Variants in CDH12 observed in about 807,000 individuals in gnomAD.
The protein encoded by CDH12 is cadherin 12, also known as cadherin-12.
CDH12 carries 41 observed loss-of-function variants against 74.1 expected under a neutral mutation model. The observed-to-expected ratio is 0.55, with a 90% CI of 0.43 to 0.72. The LOEUF (loss-of-function observed/expected upper bound fraction) is 0.72. CDH12 is among the 30% of genes least tolerant of loss of function. CDH12 has a pLI of 0.00. For synonymous variants in CDH12, 399 were observed against 355.0 expected (o/e 1.12, Z -1.39); for missense variants, 945 against 977.2 (o/e 0.97, Z 0.44).
intron 4 of CDH12, among the ~76,000 whole-genome samples, chr5:22,175,563 T>C (rs1749284426): frequency 6.6e-6 from 1 of 150,888 alleles, no homozygotes. Flanking sequence ...AAATTTTTTA[T>C]AACCAAAATT....
chr5:22,027,739 A>T (rs1468022326), intron 5 of CDH12, among the ~76,000 whole-genome samples: 1 of 151,652 alleles, frequency 6.6e-6, no homozygotes, highest in Non-Finnish European at 1.5e-5. Context: ...TGGTCTATTA[A>T]TTTTGTTGAT....
intron 2 of CDH12, among the ~76,000 whole-genome samples, chr5:22,488,536 G>A (rs968925604): frequency 1.3e-5 from 2 of 152,098 alleles, no homozygotes; most frequent in Non-Finnish European, 2.9e-5. Context: ...CATTCCAAGA[G>A]ATAGCAAACA....
At chr5:22,478,222 T>A (rs1746244991) in intron 2 of CDH12, among the ~76,000 whole-genome samples, 1 of 151,742 alleles carries the variant, frequency 6.6e-6, no homozygotes, top group Admixed American at 6.6e-5. Flanking sequence ...ATCGAGACCA[T>A]CCTGGCTAAC....
chr5:22,781,577 A>T (rs956876264), intron 1 of CDH12, among the ~76,000 whole-genome samples: 1 of 152,150 alleles, frequency 6.6e-6, no homozygotes, highest in Non-Finnish European at 1.5e-5. Context: ...AGAACTGAAA[A>T]GCTTTGTTAG....
chr5:22,675,547 T>C (rs1220654355), intron 1 of CDH12, among the ~76,000 whole-genome samples: 6 of 152,084 alleles, frequency 3.9e-5, no homozygotes, highest in African/African-American at 1.4e-4. Flanking sequence ...CTGTGGACTT[T>C]TGAGTTAATG....
At chr5:22,399,680 G>A (rs1218961148) in intron 3 of CDH12, among the ~76,000 whole-genome samples, 1 of 152,014 alleles carries the variant, frequency 6.6e-6, no homozygotes, top group Non-Finnish European at 1.5e-5. Flanking sequence ...GCCAGCAAAA[G>A]GAACCTTCAA....
chr5:21,880,554 CCTT>C (rs1752213772), intron 6 of CDH12, among the ~76,000 whole-genome samples: 1 of 126,376 alleles, frequency 7.9e-6, no homozygotes, highest in African/African-American at 2.9e-5. Flanking sequence ...TTCCTTCCTT[CCTT>C]CCTTCCCTTC....
chr5:22,590,167 A>G (rs918207854), intron 1 of CDH12, among the ~76,000 whole-genome samples: 2 of 152,154 alleles, frequency 1.3e-5, no homozygotes, highest in African/African-American at 4.8e-5. Flanking sequence ...TTGACTTAAC[A>G]GTGGTAGGGA....
chr5:22,321,062 C>T (rs1738854826), intron 3 of CDH12, among the ~76,000 whole-genome samples: 1 of 152,072 alleles, frequency 6.6e-6, no homozygotes. Flanking sequence ...AAATAATTAT[C>T]ATTCTGTGAA....
rs139487570 is a variant in CDH12, at chr5:22,580,560, T to C, written c.-522-75196A>G. On this transcript the variant is annotated intron_variant, in intron 1 of 14. Transcript: ENST00000382254. The stretch of plus-strand genomic sequence containing the variant: ...GGCTCAGAGATGCTCATCAGGGCTG[T>C]ATGTGTCTTGTGCTCACTCCATAAA... 1,008 of 475,072 alleles carry C rather than the reference T, an allele frequency of 2.1e-3. 3 individuals are homozygous for C. Among genetic ancestry groups the C allele is most frequent in the Non-Finnish European group, 3.6e-3 (846 of 231,924 alleles). The allele number at this position is 475,072 out of a possible 1,614,324, so 29.4% of individuals were successfully genotyped here. A position where few individuals can be genotyped will look rare whatever the true frequency, so the allele number is the denominator to read the frequency against.
intron 6 of CDH12, among the ~76,000 whole-genome samples, chr5:21,882,378 G>A (rs1752396083): frequency 1.3e-5 from 2 of 152,114 alleles, no homozygotes; most frequent in South Asian, 4.1e-4. Context: ...ATTTCAAATT[G>A]ATTTTTAAAT....
chr5:22,318,374 A>G (rs1172918898), intron 3 of CDH12, among the ~76,000 whole-genome samples: 1 of 152,164 alleles, frequency 6.6e-6, no homozygotes. Context: ...TGTTACCTTG[A>G]TGATATACTA....
In CDH12 at chr5:21,854,748, G is replaced by T; in HGVS notation, c.569C>A (p.Pro190Gln). 1 of 1,608,460 alleles carries T rather than the reference G, an allele frequency of 6.2e-7. No individual in the cohort carries two copies. Reference protein sequence around the residue: ...LQVKATDADDPTYGNSARVVY... With the variant: ...LQVKATDADDQTYGNSARVVY... ...GACTCTGGCACTGTTTCCATAGGTC[G>T]GGTCATCTGCATCTGTGGCCTTGAC... The change falls in exon 7 of 15, where the codon CCG becomes CAG. Residue 190 changes from proline (P) to glutamine (Q), a missense_variant. This residue lies in a region of CDH12 where 791 missense variants were observed against 792.8 expected (regional missense o/e 1.00). Transcript: ENST00000382254.
At chr5:22,013,638 A>C (rs999566010) in intron 5 of CDH12, among the ~76,000 whole-genome samples, 2 of 152,180 alleles carry the variant, frequency 1.3e-5, no homozygotes, top group African/African-American at 4.8e-5. Context: ...TGTGGTGTAG[A>C]ATTCATAAAA....
intron 14 of CDH12, among the ~76,000 whole-genome samples, chr5:21,753,456 A>G (rs1003433621): frequency 2.6e-5 from 4 of 152,168 alleles, no homozygotes; most frequent in Non-Finnish European, 5.9e-5. Context: ...GAGCAGCCCC[A>G]TACATAAAAT....
rs1311628864 is a variant in CDH12 at position 22,059,022 on chromosome 5, T to A, written c.231+19424A>T. ...TTATGATACTACACGAGTACAGCTG[T>A]AGACATAAGAAAAACATTCAGTTTT... On this transcript the variant is annotated intron_variant, in intron 5 of 14. Transcript: ENST00000382254. Among the ~76,000 whole-genome samples the A allele has an allele frequency of 3.3e-5, 5 of 152,114 alleles. No individual in the cohort carries two copies. In the South Asian group the frequency reaches 1.0e-3, roughly 32 times the overall value.
intron 2 of CDH12, among the ~76,000 whole-genome samples, chr5:22,500,918 TA>T (rs1747304787): frequency 6.6e-6 from 1 of 151,672 alleles, no homozygotes; most frequent in African/African-American, 2.4e-5. Flanking sequence ...TCCTGCAGTA[TA>T]ATTTTTTTTT....
intron 5 of CDH12, among the ~76,000 whole-genome samples, chr5:21,996,298 T>C (rs3111151): frequency 0.018 from 2,769 of 152,236 alleles, 89 homozygotes; most frequent in African/African-American, 0.064. Context: ...AACCAAATTA[T>C]ACTTGTGATC....
chr5:21,842,415 C>T, intron 7 of CDH12, 87 bp from the exon 8 acceptor site: 1 of 936,234 alleles, frequency 1.1e-6, no homozygotes. Flanking sequence ...CAACATGATT[C>T]TACCTAGAAT....
Sources: allele counts gnomAD v4.1 joint callset (sites outside exome capture counted in the v4.1 genomes callset), GRCh38; gene constraint gnomAD v4.1.1; regional missense constraint gnomAD v4.1.1; transcripts MANE v1.5; gene names NCBI Gene and HGNC (gene_info 2026-07-23, HGNC 2026-07-21).